Variants in IMMP2L observed in about 807,000 individuals in gnomAD.
IMMP2L encodes the protein mitochondrial inner membrane protease subunit 2.
A neutral mutation model predicts 19.3 loss-of-function variants in IMMP2L; 18 were observed. The ratio of observed to expected loss-of-function variants is 0.93; its 90% CI spans 0.64 to 1.38. The LOEUF (loss-of-function observed/expected upper bound fraction) is 1.38. IMMP2L is among the 40% of genes most tolerant of loss of function. IMMP2L has a pLI of 0.00. For synonymous variants in IMMP2L, 76 were observed against 73.0 expected, an observed-to-expected ratio of 1.04 and a Z score of -0.21; for missense variants, 233 against 218.2, an observed-to-expected ratio of 1.07 and a Z score of -0.43.
intron 4 of IMMP2L, among the ~76,000 whole-genome samples, chr7:110,961,558 C>T (rs144893937): frequency 5.4e-4 from 81 of 150,996 alleles, no homozygotes; most frequent in African/African-American, 1.7e-3. Context: ...ACTGTATACC[C>T]GATAGAAATG....
At chr7:110,929,070 T>C (rs564561914) in intron 4 of IMMP2L, among the ~76,000 whole-genome samples, 1 of 152,218 alleles carries the variant, frequency 6.6e-6, no homozygotes, top group East Asian at 1.9e-4. Context: ...AAAATTTTCC[T>C]TATGTAAGGG....
intron 3 of IMMP2L, among the ~76,000 whole-genome samples, chr7:111,220,582 A>T (rs1450338926): frequency 6.6e-6 from 1 of 150,446 alleles, no homozygotes; most frequent in African/African-American, 2.4e-5. Context: ...AACATGATGG[A>T]TGGATGGATG....
intron 3 of IMMP2L, among the ~76,000 whole-genome samples, chr7:111,226,881 G>A (rs1029360393): frequency 5.9e-5 from 9 of 152,044 alleles, no homozygotes; most frequent in Admixed American, 6.6e-5. Flanking sequence ...CGAAGGGACA[G>A]AATGGAGAGA....
At chr7:111,162,197 A>T (rs1156574333) in intron 3 of IMMP2L, among the ~76,000 whole-genome samples, 2 of 152,002 alleles carry the variant, frequency 1.3e-5, no homozygotes, top group Non-Finnish European at 2.9e-5. Context: ...GTTAAAAATT[A>T]TGTCTTTTAC....
intron 3 of IMMP2L, among the ~76,000 whole-genome samples, chr7:111,406,979 G>C (rs1833951238): frequency 6.6e-6 from 1 of 152,182 alleles, no homozygotes; most frequent in East Asian, 1.9e-4. Flanking sequence ...GAGGAAAAGA[G>C]ACAGGGTCTT....
intron 3 of IMMP2L, chr7:111,122,566 C>T (rs1586425871): frequency 1.8e-6 from 1 of 547,146 alleles, no homozygotes; most frequent in Non-Finnish European, 3.2e-6. Flanking sequence ...AAATAGTAAC[C>T]TTCTCTTCTC....
At chr7:111,529,346 G>A (rs1847178639) in intron 1 of IMMP2L, among the ~76,000 whole-genome samples, 1 of 152,108 alleles carries the variant, frequency 6.6e-6, no homozygotes, top group Non-Finnish European at 1.5e-5. Flanking sequence ...CAACAATTTT[G>A]GTTCCACTGG....
chr7:110,958,821 A>C (rs1585446221), intron 4 of IMMP2L, among the ~76,000 whole-genome samples: 1 of 152,028 alleles, frequency 6.6e-6, no homozygotes, highest in East Asian at 1.9e-4. Flanking sequence ...CACATCCAAG[A>C]AGTCAGCAGT....
At chr7:111,238,683 C>A (rs903306480) in intron 3 of IMMP2L, among the ~76,000 whole-genome samples, 1 of 151,906 alleles carries the variant, frequency 6.6e-6, no homozygotes, top group African/African-American at 2.4e-5. Context: ...GCTGTTATGA[C>A]ATAAGCTGAA....
At chr7:111,279,389 A>G (rs1022827643) in intron 3 of IMMP2L, among the ~76,000 whole-genome samples, 1 of 152,118 alleles carries the variant, frequency 6.6e-6, no homozygotes, top group Non-Finnish European at 1.5e-5. Context: ...TTGAGATAAG[A>G]GTACTGTGAA....
chr7:111,240,604 ATG>A (rs1024113622), intron 3 of IMMP2L, among the ~76,000 whole-genome samples: 8 of 151,948 alleles, frequency 5.3e-5, no homozygotes, highest in Admixed American at 3.9e-4. Context: ...AAAGTGTACC[ATG>A]TGTTGTATCT....
At chr7:111,065,042 G>A (rs548811009) in intron 3 of IMMP2L, among the ~76,000 whole-genome samples, 7 of 152,276 alleles carry the variant, frequency 4.6e-5, no homozygotes, top group African/African-American at 1.4e-4. Context: ...GAAGGCTAAG[G>A]GAATACGGAA....
chr7:111,089,829 T>A (rs1796666839), intron 3 of IMMP2L, among the ~76,000 whole-genome samples: 1 of 152,098 alleles, frequency 6.6e-6, no homozygotes, highest in Non-Finnish European at 1.5e-5. Flanking sequence ...AGTGAAAATA[T>A]TCAGTATTTA....
chr7:111,305,704 G>C (rs1484371387), intron 3 of IMMP2L, among the ~76,000 whole-genome samples: 1 of 152,112 alleles, frequency 6.6e-6, no homozygotes, highest in Non-Finnish European at 1.5e-5. Context: ...GTCTATCCTG[G>C]AAAGGCTAAT....
intron 3 of IMMP2L, among the ~76,000 whole-genome samples, chr7:111,313,580 T>A (rs968467107): frequency 6.6e-6 from 1 of 152,182 alleles, no homozygotes; most frequent in Non-Finnish European, 1.5e-5. Context: ...AATCTAATCT[T>A]AACTTTCTTA....
intron 2 of IMMP2L, among the ~76,000 whole-genome samples, chr7:111,515,131 C>T (rs1348529713): frequency 6.6e-6 from 1 of 152,100 alleles, no homozygotes; most frequent in Admixed American, 6.6e-5. Context: ...TAATGTTCAT[C>T]AAACTTTATC....
At chr7:111,231,743 A>T (rs1340184259) in intron 3 of IMMP2L, among the ~76,000 whole-genome samples, 1 of 152,080 alleles carries the variant, frequency 6.6e-6, no homozygotes, top group African/African-American at 2.4e-5. Flanking sequence ...GAAGTAACAT[A>T]AAGTCAGAGA....
At chr7:110,779,092 T>C (rs1799577588) in intron 5 of IMMP2L, among the ~76,000 whole-genome samples, 1 of 151,952 alleles carries the variant, frequency 6.6e-6, no homozygotes, top group Non-Finnish European at 1.5e-5. Flanking sequence ...CATGGCTACA[T>C]TTTAACAATC....
intron 3 of IMMP2L, among the ~76,000 whole-genome samples, chr7:111,149,409 C>A (rs1476614621): frequency 6.6e-6 from 1 of 152,080 alleles, no homozygotes; most frequent in Non-Finnish European, 1.5e-5. Flanking sequence ...GGGGTGTCAA[C>A]CCCCATGCAG....
Sources: gnomAD v4.1 joint callset for allele counts (sites outside exome capture counted in the v4.1 genomes callset) on GRCh38, gnomAD v4.1.1 for gene constraint, MANE v1.5 for transcripts, NCBI Gene and HGNC (gene_info 2026-07-23, HGNC 2026-07-21) for gene names.